Variants in AGBL1 observed in about 807,000 individuals in gnomAD.
AGBL1 encodes AGBL carboxypeptidase 1, also known as cytosolic carboxypeptidase 4.
Under a neutral mutation model 118.9 loss-of-function variants are expected in AGBL1, and 130 were observed. The ratio of observed to expected loss-of-function variants is 1.09; its 90% CI spans 0.95 to 1.26. AGBL1 has a LOEUF of 1.26. AGBL1 is among the 50% of genes most tolerant of loss of function. The probability of loss-of-function intolerance (pLI) is 0.00; values close to 1 mark genes in which losing one functional copy is unlikely to be tolerated. For missense variants in AGBL1, 1,584 were observed against 1,298.1 expected (o/e 1.22, Z -3.38); for synonymous variants, 555 against 478.9 (o/e 1.16, Z -2.08).
At chr15:86,295,502 A>T in intron 17 of AGBL1, 94 bp downstream of exon 17, 1 of 1,348,110 alleles carries the variant, frequency 7.4e-7, no homozygotes, top group Non-Finnish European at 1.0e-6. Flanking sequence ...CAAAAGCTCC[A>T]TAAAGGGTTG....
At chr15:86,988,180 G>C (rs1445269679) in intron 24 of AGBL1, 4 of 1,471,834 alleles carry the variant, frequency 2.7e-6, no homozygotes, top group Non-Finnish European at 3.7e-6. Context: ...ACTGGACAAA[G>C]AGAAAGTAAA....
chr15:86,306,554 C>T (rs2079844717), intron 17 of AGBL1, among the ~76,000 whole-genome samples: 1 of 152,050 alleles, frequency 6.6e-6, no homozygotes, highest in African/African-American at 2.4e-5. Context: ...TTTCTTTATT[C>T]ATTCATGTGT....
chr15:86,953,615 T>C (rs1223946700), intron 23 of AGBL1, among the ~76,000 whole-genome samples: 1 of 152,088 alleles, frequency 6.6e-6, no homozygotes, highest in Non-Finnish European at 1.5e-5. Context: ...GTTCTCAAAC[T>C]CCTGAGCTCA....
chr15:86,173,175 C>T (rs902041400), intron 5 of AGBL1: 2 of 152,020 alleles, frequency 1.3e-5, no homozygotes, highest in Non-Finnish European at 2.9e-5. Context: ...TATTTAGATC[C>T]TTTGCCCACT....
intron 21 of AGBL1, among the ~76,000 whole-genome samples, chr15:86,627,261 A>G (rs377199645): frequency 9.9e-5 from 15 of 152,254 alleles, no homozygotes; most frequent in African/African-American, 3.1e-4. Flanking sequence ...CAGCCTCCCA[A>G]AGTGCTGGGA....
chr15:86,281,877 T>C (rs1003231145), intron 16 of AGBL1, among the ~76,000 whole-genome samples: 1 of 152,340 alleles, frequency 6.6e-6, no homozygotes, highest in Non-Finnish European at 1.5e-5. Flanking sequence ...ACATCTCTAA[T>C]GTTTGAATTC....
At chr15:86,233,878 A>T (rs558282257) in intron 6 of AGBL1, among the ~76,000 whole-genome samples, 9 of 152,310 alleles carry the variant, frequency 5.9e-5, no homozygotes, top group Non-Finnish European at 8.8e-5. Flanking sequence ...TTTTACTGGC[A>T]GGCAGGATGG....
intron 17 of AGBL1, among the ~76,000 whole-genome samples, chr15:86,340,994 C>T (rs571177268): frequency 6.6e-6 from 1 of 152,294 alleles, no homozygotes; most frequent in Admixed American, 6.5e-5. Flanking sequence ...ACTAGGGCTC[C>T]TCTGATACCA....
In AGBL1 at chr15:86,571,077, G is replaced by T. The variant is rs143832831; in HGVS notation, c.2994+16540G>T. 2.9e-3 allele frequency among the ~76,000 whole-genome samples: 438 copies of T among 152,310 alleles called. 4 individuals carry two copies. The highest frequency in any genetic ancestry group is 8.0e-3 in the African/African-American group (332 of 41,574). ...CGGGCTCTTGGCCGAGCTGTGGCTG[G>T]ACCGGCTACACCACAAGCAGCTTCC... is the stretch of plus-strand genomic sequence containing the variant. On this transcript the variant is annotated intron_variant, in intron 21 of 22. Transcript: ENST00000614907.
chr15:86,503,743 A>G (rs972380622), intron 18 of AGBL1, among the ~76,000 whole-genome samples: 1 of 151,100 alleles, frequency 6.6e-6, no homozygotes, highest in Admixed American at 6.6e-5. Context: ...AATTTCCCAA[A>G]CTTCCCTCTG....
At chr15:86,966,626 T>G (rs979246295) in intron 23 of AGBL1, among the ~76,000 whole-genome samples, 4 of 152,130 alleles carry the variant, frequency 2.6e-5, no homozygotes, top group African/African-American at 9.7e-5. Flanking sequence ...GTTTCCAGCT[T>G]CATCCATGTC....
intron 21 of AGBL1, chr15:86,631,250 C>T (rs2084959204): frequency 2.0e-5 from 3 of 152,182 alleles, no homozygotes; most frequent in Non-Finnish European, 1.5e-5. Context: ...GAGAATCTTA[C>T]AGTTTCCTCT....
intron 5 of AGBL1, among the ~76,000 whole-genome samples, chr15:86,160,656 C>T (rs944216501): frequency 6.6e-6 from 1 of 152,200 alleles, no homozygotes; most frequent in African/African-American, 2.4e-5. Context: ...GCCCTATTCA[C>T]AAGGCTTCTT....
In AGBL1 at chr15:86,460,318, C is replaced by CAAAAAAA. The variant is rs1168019827; in HGVS notation, c.2556-62469_2556-62463dup. Among the ~76,000 whole-genome samples the CAAAAAAA allele has an allele frequency of 7.4e-4, 27 of 36,586 alleles. 2 individuals carry two copies. The highest frequency in any genetic ancestry group is 2.0e-3 in the African/African-American group (21 of 10,590). 24.0% of individuals were successfully genotyped at this position (36,586 alleles called of 152,430 possible). A position where few individuals can be genotyped will look rare whatever the true frequency, so the allele number is the denominator to read the frequency against. On this transcript the variant is annotated intron_variant, in intron 18 of 22. Transcript: ENST00000614907. ...GCAACATAGAAAGACCCTATCTCTA[C>CAAAAAAA]AAAAAAAAAAAAAAAAAAAAAAAAA... is the stretch of plus-strand genomic sequence containing the variant.
At chr15:86,743,736 G>A (rs2077714641) in intron 22 of AGBL1, among the ~76,000 whole-genome samples, 1 of 152,094 alleles carries the variant, frequency 6.6e-6, no homozygotes, top group Non-Finnish European at 1.5e-5. Flanking sequence ...AAAAATATCT[G>A]AGAGCTTCTG....
At chr15:86,092,263 A>G (rs1450575180) in intron 1 of AGBL1, among the ~76,000 whole-genome samples, 1 of 152,202 alleles carries the variant, frequency 6.6e-6, no homozygotes, top group African/African-American at 2.4e-5. Context: ...TAGATTGAGA[A>G]CCTATGCCAT....
chr15:86,988,115 C>T (rs189855278), intron 24 of AGBL1: 3 of 1,609,850 alleles, frequency 1.9e-6, no homozygotes, highest in East Asian at 4.5e-5. Flanking sequence ...CCTGATTGTA[C>T]ATTGCTTGGG....
At chr15:86,286,104 TTTTTTC>T (rs1328535985) in intron 16 of AGBL1, among the ~76,000 whole-genome samples, 2 of 133,308 alleles carry the variant, frequency 1.5e-5, no homozygotes, top group African/African-American at 6.0e-5. Flanking sequence ...CCCTTCTCTC[TTTTTTC>T]TTTTTCTTTT....
At chr15:86,555,277 G>T (rs1045011263) in intron 21 of AGBL1, among the ~76,000 whole-genome samples, 2 of 152,176 alleles carry the variant, frequency 1.3e-5, no homozygotes, top group African/African-American at 4.8e-5. Flanking sequence ...CTGACAGACT[G>T]CTCCTCGGTG....
Sources: gnomAD v4.1 joint callset for allele counts (sites outside exome capture counted in the v4.1 genomes callset) on GRCh38, gnomAD v4.1.1 for gene constraint, MANE v1.5 for transcripts, NCBI Gene and HGNC (gene_info 2026-07-23, HGNC 2026-07-21) for gene names.